Variants in CSMD3 observed in about 807,000 individuals in gnomAD.
The protein encoded by CSMD3 is CUB and Sushi multiple domains 3.
A neutral mutation model predicts 435.2 loss-of-function variants in CSMD3; 177 were observed. The observed-to-expected ratio is 0.41, with a 90% CI of 0.36 to 0.46. The LOEUF is 0.46. CSMD3 is among the 20% of genes least tolerant of loss of function. The probability of loss-of-function intolerance (pLI) is 0.34; values close to 1 mark genes in which losing one functional copy is unlikely to be tolerated. For missense variants in CSMD3, 4,265 were observed against 4,504.6 expected (o/e 0.95, Z 1.52); for synonymous variants, 1,656 against 1,520.5 (o/e 1.09, Z -2.07).
intron 61 of CSMD3, among the ~76,000 whole-genome samples, chr8:112,261,138 A>T (rs1167312689): frequency 6.6e-6 from 1 of 152,066 alleles, no homozygotes; most frequent in African/African-American, 2.4e-5. Context: ...CAAAATAGCC[A>T]TATGCATGCC....
intron 8 of CSMD3, among the ~76,000 whole-genome samples, chr8:112,950,830 A>C (rs1167793447): frequency 6.6e-6 from 1 of 151,906 alleles, no homozygotes; most frequent in Non-Finnish European, 1.5e-5. Flanking sequence ...GGCAGAAACT[A>C]TGTCATTAAC....
chr8:112,622,318 A>G (rs893949158), intron 22 of CSMD3, among the ~76,000 whole-genome samples: 1 of 152,164 alleles, frequency 6.6e-6, no homozygotes, highest in Non-Finnish European at 1.5e-5. Flanking sequence ...CCTTCCTAAC[A>G]GGTTTCCCTA....
At chr8:113,379,917 T>A (rs2094407870) in intron 1 of CSMD3, among the ~76,000 whole-genome samples, 1 of 152,198 alleles carries the variant, frequency 6.6e-6, no homozygotes, top group Admixed American at 6.5e-5. Flanking sequence ...GAAAGCTATC[T>A]TACAGCTCTG....
intron 3 of CSMD3, among the ~76,000 whole-genome samples, chr8:113,192,011 G>A (rs944759695): frequency 6.6e-6 from 1 of 151,820 alleles, no homozygotes; most frequent in African/African-American, 2.4e-5. Flanking sequence ...GTGATAATGA[G>A]CATTTTTTCA....
In CSMD3 at chr8:112,322,541, T is replaced by C. The variant is rs144680522; in HGVS notation, c.7166-2560A>G. ...TAAGAACAACTCTATTCTTATCAAT[T>C]GTATAAATTTGAATTCTGAACAAAC... On this transcript the variant is annotated intron_variant, in intron 45 of 70. Coordinates refer to ENST00000297405, the MANE Select transcript of CSMD3 (RefSeq NM_198123.2). Among the ~76,000 whole-genome samples the C allele has an allele frequency of 2.1e-3, 312 of 152,192 alleles. 8 individuals carry two copies. The East Asian group carries it at 0.05, about 25-fold the overall frequency.
intron 6 of CSMD3, among the ~76,000 whole-genome samples, chr8:113,010,165 C>A (rs1181014039): frequency 6.6e-6 from 1 of 151,516 alleles, no homozygotes; most frequent in Non-Finnish European, 1.5e-5. Flanking sequence ...TTGTGCACAG[C>A]AGAAGTAGAT....
intron 13 of CSMD3, among the ~76,000 whole-genome samples, chr8:112,694,214 G>A (rs1049338478): frequency 6.6e-6 from 1 of 151,888 alleles, no homozygotes; most frequent in African/African-American, 2.4e-5. Flanking sequence ...TTATTCTAAT[G>A]CAGCATATTT....
chr8:112,650,072 T>C (rs1563811545), intron 19 of CSMD3, 89 bp downstream of exon 19: 16 of 945,162 alleles, frequency 1.7e-5, no homozygotes, highest in East Asian at 2.5e-5. Context: ...ACCTAAAATA[T>C]TTATAATTAT....
chr8:113,112,300 T>C (rs1205593143), intron 4 of CSMD3, among the ~76,000 whole-genome samples: 1 of 148,568 alleles, frequency 6.7e-6, no homozygotes, highest in Admixed American at 6.7e-5. Flanking sequence ...CAAATTACCC[T>C]AGGATAAGAG....
chr8:113,163,429 C>A (rs1476454754), intron 4 of CSMD3, among the ~76,000 whole-genome samples: 1 of 151,788 alleles, frequency 6.6e-6, no homozygotes, highest in Non-Finnish European at 1.5e-5. Context: ...AAATTAATGT[C>A]TGATATTATA....
At position 112,405,017 on chromosome 8, in the gene CSMD3, T is replaced by C. The variant is rs549457249; in HGVS notation, c.5809+1507A>G. 2.0e-5 allele frequency among the ~76,000 whole-genome samples: 3 copies of C among 150,426 alleles called. No individual in the cohort carries two copies. The East Asian group carries it at 5.9e-4, about 30-fold the overall frequency. On this transcript the variant is annotated intron_variant, in intron 35 of 70. Coordinates refer to ENST00000297405, the MANE Select transcript of CSMD3 (RefSeq NM_198123.2). Reference sequence around the variant, plus strand: ...ACATGGTGAGACCTGGTCCCTTTTGTATTTTGTAAAAATACAAAAATTAGC... The same window carrying C: ...ACATGGTGAGACCTGGTCCCTTTTGCATTTTGTAAAAATACAAAAATTAGC...
At chr8:112,632,073 T>C (rs1346972576) in intron 22 of CSMD3, among the ~76,000 whole-genome samples, 3 of 151,966 alleles carry the variant, frequency 2.0e-5, no homozygotes, top group Non-Finnish European at 4.4e-5. Flanking sequence ...ATAAAGTAAA[T>C]AGAATTTGTT....
intron 1 of CSMD3, among the ~76,000 whole-genome samples, chr8:113,322,846 AGCGATTGTC>A (rs2093958087): frequency 6.6e-6 from 1 of 152,030 alleles, no homozygotes; most frequent in Non-Finnish European, 1.5e-5. Flanking sequence ...CCCGGGTTCA[AGCGATTGTC>A]GTGTCTCAGC....
chr8:113,264,023 TA>T (rs2093448318), intron 3 of CSMD3, among the ~76,000 whole-genome samples: 1 of 151,452 alleles, frequency 6.6e-6, no homozygotes. Context: ...TTCTGATACT[TA>T]AAATGATATA....
chr8:113,018,555 A>C (rs1393653734), intron 6 of CSMD3, among the ~76,000 whole-genome samples: 1 of 152,150 alleles, frequency 6.6e-6, no homozygotes, highest in Admixed American at 6.6e-5. Context: ...CCATCTTCAT[A>C]ATAATCTTGT....
intron 7 of CSMD3, among the ~76,000 whole-genome samples, chr8:112,959,243 T>C (rs2130855747): frequency 6.6e-6 from 1 of 152,152 alleles, no homozygotes. Flanking sequence ...GGGGCTCTCT[T>C]AGAAGACAGT....
intron 20 of CSMD3, among the ~76,000 whole-genome samples, chr8:112,642,326 C>T (rs755388869): frequency 5.3e-5 from 8 of 152,068 alleles, no homozygotes; most frequent in Non-Finnish European, 1.2e-4. Context: ...TAATTAGCAT[C>T]CTGACTTCTA....
intron 5 of CSMD3, among the ~76,000 whole-genome samples, chr8:113,049,449 T>A (rs1587966714): frequency 1.3e-5 from 2 of 150,802 alleles, no homozygotes; most frequent in South Asian, 4.2e-4. Flanking sequence ...AAGTCAGTGG[T>A]GCTAATATTA....
intron 67 of CSMD3, among the ~76,000 whole-genome samples, chr8:112,236,368 C>G (rs1192940228): frequency 1.3e-5 from 2 of 151,740 alleles, no homozygotes; most frequent in East Asian, 3.9e-4. Flanking sequence ...TTATTGAGGC[C>G]TATTTTGTTT....
Sources: allele counts gnomAD v4.1 joint callset (sites outside exome capture counted in the v4.1 genomes callset), GRCh38; gene constraint gnomAD v4.1.1; transcripts MANE v1.5; gene names NCBI Gene and HGNC (gene_info 2026-07-23, HGNC 2026-07-21).